AKAIN1: variants seen among roughly 807,000 people sequenced by gnomAD.
AKAIN1 encodes A-kinase anchor inhibitor 1, also known as A-kinase anchor protein inhibitor 1.
A neutral mutation model predicts 3.7 loss-of-function variants in AKAIN1; 3 were observed. The ratio of observed to expected loss-of-function variants is 0.82; its 90% CI spans 0.37 to 2.12. The LOEUF is 2.12. Ranked by LOEUF, AKAIN1 falls within the 30% of genes most tolerant of loss-of-function variation. The pLI is 0.06. For missense variants in AKAIN1, 82 were observed against 82.7 expected (o/e 0.99, Z 0.03); for synonymous variants, 31 against 30.8 (o/e 1.01, Z -0.02).
chr18:5,145,906 A>T (rs1179532124), intron 1 of AKAIN1, among the ~76,000 whole-genome samples, 151 bp from the exon 2 acceptor site: 1 of 152,186 alleles, frequency 6.6e-6, no homozygotes, highest in Non-Finnish European at 1.5e-5. Flanking sequence ...CCACTAGAGC[A>T]CATACAATTG....
intron 1 of AKAIN1, among the ~76,000 whole-genome samples, chr18:5,171,780 G>T (rs1018903028): frequency 6.6e-6 from 1 of 152,084 alleles, no homozygotes; most frequent in African/African-American, 2.4e-5. Flanking sequence ...GAATAGTTTG[G>T]AGGTTCCTCA....
chr18:5,186,554 T>G (rs1232639631), intron 1 of AKAIN1, among the ~76,000 whole-genome samples: 1 of 152,016 alleles, frequency 6.6e-6, no homozygotes, highest in Non-Finnish European at 1.5e-5. Context: ...CTAAAAGTGG[T>G]AAACCAAAAT....
chr18:5,159,157 G>A (rs2071124898), intron 1 of AKAIN1, among the ~76,000 whole-genome samples: 1 of 150,694 alleles, frequency 6.6e-6, no homozygotes, highest in African/African-American at 2.4e-5. Context: ...TGAAGAACAA[G>A]ATCAGATGTT....
At chr18:5,185,437 G>T (rs533987624) in intron 1 of AKAIN1, among the ~76,000 whole-genome samples, 1 of 151,972 alleles carries the variant, frequency 6.6e-6, no homozygotes, top group African/African-American at 2.4e-5. Context: ...AAATATTTAC[G>T]AACTATGCAT....
intron 1 of AKAIN1, among the ~76,000 whole-genome samples, chr18:5,191,292 G>A (rs985611347): frequency 5.3e-5 from 8 of 152,140 alleles, no homozygotes; most frequent in Non-Finnish European, 1.0e-4. Flanking sequence ...TAATAAAAGA[G>A]TGAAGCAAGA....
At chr18:5,165,773 G>T (rs1349525469) in intron 1 of AKAIN1, among the ~76,000 whole-genome samples, 1 of 152,070 alleles carries the variant, frequency 6.6e-6, no homozygotes, top group Non-Finnish European at 1.5e-5. Flanking sequence ...AATCCATCCT[G>T]TTGCTTGTTG....
chr18:5,157,684 A>T (rs1359463201), intron 1 of AKAIN1, among the ~76,000 whole-genome samples: 1 of 152,080 alleles, frequency 6.6e-6, no homozygotes, highest in Non-Finnish European at 1.5e-5. Flanking sequence ...AAAAATTTTG[A>T]CTTAGAAACT....
chr18:5,152,171 G>T (rs998769453), intron 1 of AKAIN1, among the ~76,000 whole-genome samples: 1 of 152,138 alleles, frequency 6.6e-6, no homozygotes, highest in Non-Finnish European at 1.5e-5. Flanking sequence ...GCTCTGGCCC[G>T]CTTACTTGAT....
chr18:5,165,671 T>C (rs886436835), intron 1 of AKAIN1, among the ~76,000 whole-genome samples: 3 of 151,910 alleles, frequency 2.0e-5, no homozygotes, highest in African/African-American at 4.8e-5. Flanking sequence ...TAGGTACAAA[T>C]TGGTGTCTAA....
intron 1 of AKAIN1, among the ~76,000 whole-genome samples, chr18:5,194,409 T>C (rs929569826): frequency 3.3e-5 from 5 of 152,164 alleles, no homozygotes; most frequent in Admixed American, 6.5e-5. Flanking sequence ...TTCTTTACAA[T>C]CTATAGACTA....
At chr18:5,160,644 A>C (rs748109519) in intron 1 of AKAIN1, among the ~76,000 whole-genome samples, 1 of 152,098 alleles carries the variant, frequency 6.6e-6, no homozygotes, top group Non-Finnish European at 1.5e-5. Context: ...TGAGATCATG[A>C]AGTTGTTCTC....
At chr18:5,149,711 A>G (rs564448469) in intron 1 of AKAIN1, among the ~76,000 whole-genome samples, 49 of 152,314 alleles carry the variant, frequency 3.2e-4, no homozygotes, top group Middle Eastern at 3.4e-3. Flanking sequence ...TTCCTGGCCA[A>G]TGTTCTTGCA....
At chr18:5,173,835 C>T (rs1316474204) in intron 1 of AKAIN1, among the ~76,000 whole-genome samples, 2 of 152,128 alleles carry the variant, frequency 1.3e-5, no homozygotes, top group East Asian at 3.9e-4. Context: ...TGGCATGATC[C>T]CCCCTCGGCC....
intron 1 of AKAIN1, among the ~76,000 whole-genome samples, chr18:5,160,530 C>T (rs11875550): frequency 0.032 from 4,938 of 152,204 alleles, 209 homozygotes; most frequent in African/African-American, 0.089. Flanking sequence ...AAAAGAACCT[C>T]TGTGTTTCTC....
chr18:5,169,168 A>G (rs2071183811), intron 1 of AKAIN1, among the ~76,000 whole-genome samples: 1 of 152,076 alleles, frequency 6.6e-6, no homozygotes, highest in Non-Finnish European at 1.5e-5. Context: ...CTTAAAGAGA[A>G]TCTTCTTTAT....
intron 1 of AKAIN1, among the ~76,000 whole-genome samples, chr18:5,154,108 C>T (rs559051897): frequency 6.6e-6 from 1 of 152,262 alleles, no homozygotes; most frequent in Admixed American, 6.5e-5. Flanking sequence ...GTAAAGCAAT[C>T]AAGCTTTTAG....
At chr18:5,161,675 C>T (rs1416436696) in intron 1 of AKAIN1, among the ~76,000 whole-genome samples, 4 of 152,122 alleles carry the variant, frequency 2.6e-5, no homozygotes, top group Non-Finnish European at 4.4e-5. Flanking sequence ...GTAGGTCCCA[C>T]TGGTCAGTGT....
chr18:5,144,817 G>A lies in AKAIN1; in HGVS notation c.*745C>T, dbSNP rs1039648132. Among the ~76,000 whole-genome samples the A allele has an allele frequency of 6.6e-6, 1 of 152,114 alleles. No homozygotes were observed. Among genetic ancestry groups the A allele is most frequent in the Non-Finnish European group, 1.5e-5 (1 of 68,028 alleles). On this transcript the variant is annotated 3_prime_UTR_variant, in exon 2 of 2. Transcript: ENST00000434239. ...GAGGCTGCTAAGGAAATGAGTCATT[G>A]GCAACTCACATGTGTAGACTCACTT...
intron 1 of AKAIN1, among the ~76,000 whole-genome samples, chr18:5,183,785 A>G (rs1468013180): frequency 6.6e-6 from 1 of 152,110 alleles, no homozygotes; most frequent in Non-Finnish European, 1.5e-5. Context: ...AATATTTTTT[A>G]CAATTGAGCA....
Sources: allele counts gnomAD v4.1 joint callset (sites outside exome capture counted in the v4.1 genomes callset), GRCh38; gene constraint gnomAD v4.1.1; transcripts MANE v1.5; gene names NCBI Gene and HGNC (gene_info 2026-07-23, HGNC 2026-07-21).